GRIP1: variants seen among roughly 807,000 people sequenced by gnomAD.
GRIP1 encodes the protein glutamate receptor interacting protein 1, also known as glutamate receptor-interacting protein 1.
A neutral mutation model predicts 129.9 loss-of-function variants in GRIP1; 45 were observed. The ratio of observed to expected loss-of-function variants is 0.35; its 90% confidence interval spans 0.27 to 0.44. The LOEUF is 0.44. Among genes scored for constraint, GRIP1 ranks in the 20% least tolerant of loss-of-function variants. The pLI, the probability that GRIP1 is intolerant of heterozygous loss-of-function variation, is 1.00. For synonymous variants in GRIP1, 530 were observed against 520.8 expected, an observed-to-expected ratio of 1.02 and a Z score of -0.24; for missense variants, 1,196 against 1,396.8, an observed-to-expected ratio of 0.86 and a Z score of 2.29.
intron 1 of GRIP1, among the ~76,000 whole-genome samples, chr12:66,758,799 C>T (rs1026069070): frequency 6.6e-6 from 1 of 152,132 alleles, no homozygotes; most frequent in African/African-American, 2.4e-5. Context: ...ACAAAATGAT[C>T]GCCTTTGACT....
At chr12:67,065,554 A>C (rs2043610408) in intron 1 of GRIP1, among the ~76,000 whole-genome samples, 1 of 152,362 alleles carries the variant, frequency 6.6e-6, no homozygotes, top group Admixed American at 6.5e-5. Context: ...ATAAAAGCAA[A>C]GGAAATGAGA....
intron 7 of GRIP1, among the ~76,000 whole-genome samples, chr12:66,510,705 A>G (rs2060671863): frequency 6.6e-6 from 1 of 152,192 alleles, no homozygotes; most frequent in Non-Finnish European, 1.5e-5. Context: ...AAAGTTTATC[A>G]TTTGAGATTT....
chr12:66,434,332 C>T (rs897590952), intron 13 of GRIP1, among the ~76,000 whole-genome samples: 4 of 152,276 alleles, frequency 2.6e-5, no homozygotes, highest in Middle Eastern at 3.4e-3. Context: ...CAATCAGCTG[C>T]CTTTCCCATT....
intron 1 of GRIP1, among the ~76,000 whole-genome samples, chr12:66,778,343 C>T (rs17102907): frequency 2.0e-5 from 3 of 152,046 alleles, no homozygotes; most frequent in Non-Finnish European, 4.4e-5. Flanking sequence ...CAGTCATGAA[C>T]TAAAAACCAG....
chr12:66,624,339 A>G (rs1163567143), intron 1 of GRIP1, among the ~76,000 whole-genome samples: 2 of 152,198 alleles, frequency 1.3e-5, no homozygotes, highest in Non-Finnish European at 2.9e-5. Context: ...AATATGTAAC[A>G]AGATGATTTA....
At chr12:66,970,732 C>G (rs543304648) in intron 1 of GRIP1, among the ~76,000 whole-genome samples, 1 of 152,126 alleles carries the variant, frequency 6.6e-6, no homozygotes, top group South Asian at 2.1e-4. Context: ...GATTACATCT[C>G]AATCTTTTGG....
intron 13 of GRIP1, among the ~76,000 whole-genome samples, chr12:66,432,834 C>T (rs2058190752): frequency 6.6e-6 from 1 of 152,142 alleles, no homozygotes; most frequent in Admixed American, 6.6e-5. Flanking sequence ...GTGCATAATT[C>T]ACACCAACAG....
rs1312175872 is a variant in GRIP1 at position 66,377,283 on chromosome 12, A to C, written c.2624T>G (p.Phe875Cys). 147 of 1,602,522 alleles carry C rather than the reference A, an allele frequency of 9.2e-5. No individual in the cohort carries two copies. Among genetic ancestry groups the C allele is most frequent in the Non-Finnish European group, 1.2e-4 (146 of 1,169,654 alleles). The change falls in exon 21 of 25, where the codon TTT becomes TGT. Residue 875 changes from phenylalanine (F) to cysteine (C), a missense_variant and splice_region_variant. Coordinates refer to ENST00000359742, the MANE Select transcript of GRIP1 (RefSeq NM_001366722.1). ...EDWDRSTASGFAGAADSAETE... is the reference protein window; with the variant it reads ...EDWDRSTASGCAGAADSAETE... Reference sequence around the variant, plus strand: ...CTCTGCACTATCGGCAGCCCCTGCAAAACTGTTGTCAAGAAACACAGGCTG... The same window carrying C: ...CTCTGCACTATCGGCAGCCCCTGCACAACTGTTGTCAAGAAACACAGGCTG...
intron 7 of GRIP1, among the ~76,000 whole-genome samples, chr12:66,514,515 T>C (rs1160366347): frequency 6.7e-6 from 1 of 150,282 alleles, no homozygotes; most frequent in Non-Finnish European, 1.5e-5. Context: ...AAATAAAACA[T>C]ATAACAAAAA....
intron 15 of GRIP1, among the ~76,000 whole-genome samples, chr12:66,411,685 G>A (rs1420442142): frequency 6.6e-6 from 1 of 152,190 alleles, no homozygotes; most frequent in Non-Finnish European, 1.5e-5. Context: ...GAACTTCACT[G>A]AACTAAAGGA....
chr12:66,863,475 T>C (rs1434580255), intron 1 of GRIP1, among the ~76,000 whole-genome samples: 1 of 152,112 alleles, frequency 6.6e-6, no homozygotes. Flanking sequence ...AGAGAAAGTA[T>C]TTCTGATAAG....
intron 1 of GRIP1, among the ~76,000 whole-genome samples, chr12:66,725,357 T>C (rs1445969662): frequency 1.8e-4 from 27 of 152,020 alleles, no homozygotes; most frequent in Admixed American, 1.7e-3. Flanking sequence ...ATGAACATTA[T>C]ATAATGTAAT....
chr12:66,519,889 T>G (rs1363354775), intron 5 of GRIP1, among the ~76,000 whole-genome samples: 1 of 152,172 alleles, frequency 6.6e-6, no homozygotes, highest in Non-Finnish European at 1.5e-5. Context: ...CATGGCAGAG[T>G]GCCTTTCCTA....
chr12:66,634,783 A>G (rs905932833), intron 1 of GRIP1, among the ~76,000 whole-genome samples: 5 of 152,224 alleles, frequency 3.3e-5, no homozygotes, highest in African/African-American at 1.2e-4. Context: ...CTAGTGATAG[A>G]GCTGGGACTA....
At chr12:66,990,632 C>T (rs1023630091) in intron 1 of GRIP1, among the ~76,000 whole-genome samples, 1 of 152,346 alleles carries the variant, frequency 6.6e-6, no homozygotes, top group East Asian at 1.9e-4. Flanking sequence ...CATATCTGTT[C>T]TTCTCACTAA....
rs528158014 is a variant in GRIP1 at position 66,497,831 on chromosome 12, A to ACGCC, written c.724+17784_724+17787dup. On this transcript the variant is annotated intron_variant, in intron 7 of 24. Coordinates refer to ENST00000359742, the MANE Select transcript of GRIP1 (RefSeq NM_001366722.1). Reference sequence around the variant, plus strand: ...CGCATCCCCTGTGACTTGCACGTATACGCCCAGATGGCCTGAAGTAACTGA... The same window carrying ACGCC: ...CGCATCCCCTGTGACTTGCACGTATACGCCCGCCCAGATGGCCTGAAGTAACTGA... 1.2e-4 allele frequency among the ~76,000 whole-genome samples: 18 copies of ACGCC among 152,314 alleles called. No homozygotes were observed. In the East Asian group the frequency reaches 3.3e-3, roughly 28 times the overall value.
chr12:66,396,469 CAT>C (rs2056792581), intron 16 of GRIP1, among the ~76,000 whole-genome samples: 2 of 152,158 alleles, frequency 1.3e-5, no homozygotes, highest in South Asian at 4.1e-4. Context: ...GTGAGTATTC[CAT>C]GTTATTTTTT....
In GRIP1 at chr12:66,816,989, C is replaced by T. The variant is rs7307180; in HGVS notation, c.59-220062G>A. Among the ~76,000 whole-genome samples, 1,017 of 152,088 alleles carry T rather than the reference C, an allele frequency of 6.7e-3. 13 individuals carry two copies. Among genetic ancestry groups the T allele is most frequent in the African/African-American group, 0.023 (963 of 41,494 alleles). On this transcript the variant is annotated intron_variant, in intron 1 of 1. Transcript: ENST00000643019. ...AACAAAATGTAAATAAAGCAGTATT[C>T]GCAAAAGACGATTCCTCATGAACAT...
intron 7 of GRIP1, among the ~76,000 whole-genome samples, chr12:66,482,306 G>A (rs1336828842): frequency 1.3e-5 from 2 of 152,154 alleles, no homozygotes; most frequent in Non-Finnish European, 2.9e-5. Flanking sequence ...TGAGGATGCT[G>A]AGCCTGATGA....
Sources: gnomAD v4.1 joint callset for allele counts (sites outside exome capture counted in the v4.1 genomes callset) on GRCh38, gnomAD v4.1.1 for gene constraint, MANE v1.5 for transcripts, NCBI Gene and HGNC (gene_info 2026-07-23, HGNC 2026-07-21) for gene names.